CHST11: variants seen among roughly 807,000 people sequenced by gnomAD.
CHST11 encodes carbohydrate sulfotransferase 11.
Under a neutral mutation model 30.4 loss-of-function variants are expected in CHST11, and 9 were observed. The ratio of observed to expected loss-of-function variants is 0.30; its 90% CI spans 0.18 to 0.52. CHST11 has a LOEUF of 0.52. Among genes scored for constraint, CHST11 ranks in the 20% least tolerant of loss-of-function variants. The pLI is 0.97. For missense variants in CHST11, 348 were observed against 460.6 expected (o/e 0.76, Z 2.24); for synonymous variants, 152 against 187.8 (o/e 0.81, Z 1.56).
intron 2 of CHST11, among the ~76,000 whole-genome samples, chr12:104,714,728 TA>T (rs2040116196): frequency 6.6e-6 from 1 of 152,096 alleles, no homozygotes; most frequent in Non-Finnish European, 1.5e-5. Flanking sequence ...GGATTTATTT[TA>T]GGTGCAGCGT....
chr12:104,525,319 G>GTA (rs2038114954), intron 1 of CHST11, among the ~76,000 whole-genome samples: 1 of 152,122 alleles, frequency 6.6e-6, no homozygotes, highest in Admixed American at 6.6e-5. Context: ...ACCTCATAGT[G>GTA]TATACTCTTC....
intron 2 of CHST11, among the ~76,000 whole-genome samples, chr12:104,634,936 G>T (rs2039309803): frequency 6.6e-6 from 1 of 152,166 alleles, no homozygotes; most frequent in Admixed American, 6.5e-5. Flanking sequence ...CATTCATCAA[G>T]GGAAGGAGGG....
rs80135956 is a variant in CHST11 at position 104,653,394 on chromosome 12, C to G, written c.204+51403C>G. Among the ~76,000 whole-genome samples the G allele has an allele frequency of 8.2e-3, 1,251 of 152,280 alleles. 22 individuals are homozygous for G. The highest frequency in any genetic ancestry group is 0.029 in the African/African-American group (1,190 of 41,540). On this transcript the variant is annotated intron_variant, in intron 2 of 2. Transcript: ENST00000303694. Reference sequence around the variant, plus strand: ...CGTTTTCTTTCTCCATTCATCTGTTCATAGACATTTGGCTTTCTTCCACCA... The same window carrying G: ...CGTTTTCTTTCTCCATTCATCTGTTGATAGACATTTGGCTTTCTTCCACCA...
At chr12:104,701,403 G>A (rs1267965498) in intron 2 of CHST11, among the ~76,000 whole-genome samples, 1 of 152,160 alleles carries the variant, frequency 6.6e-6, no homozygotes, top group Non-Finnish European at 1.5e-5. Flanking sequence ...AAATGAGAAG[G>A]TCCCTGCTTT....
chr12:104,462,746 A>G (rs189212857), intron 1 of CHST11, among the ~76,000 whole-genome samples: 1 of 152,230 alleles, frequency 6.6e-6, no homozygotes, highest in Non-Finnish European at 1.5e-5. Context: ...TACCCCATAA[A>G]TATATACAAC....
At chr12:104,629,350 G>A (rs2039249793) in intron 2 of CHST11, among the ~76,000 whole-genome samples, 1 of 152,188 alleles carries the variant, frequency 6.6e-6, no homozygotes, top group Non-Finnish European at 1.5e-5. Context: ...AGCTCACATG[G>A]TTGTTGGCAG....
At chr12:104,648,242 C>T (rs980484229) in intron 2 of CHST11, among the ~76,000 whole-genome samples, 6 of 152,190 alleles carry the variant, frequency 3.9e-5, no homozygotes, top group Admixed American at 3.3e-4. Context: ...TCATAGGGCA[C>T]GTACATTCCC....
At chr12:104,674,873 G>A (rs960125473) in intron 2 of CHST11, among the ~76,000 whole-genome samples, 2 of 152,070 alleles carry the variant, frequency 1.3e-5, no homozygotes, top group Admixed American at 6.5e-5. Context: ...GGCAAGTCAC[G>A]TAACCTCTCT....
At chr12:104,702,164 C>T (rs1005994314) in intron 2 of CHST11, among the ~76,000 whole-genome samples, 3 of 152,196 alleles carry the variant, frequency 2.0e-5, no homozygotes, top group Non-Finnish European at 4.4e-5. Flanking sequence ...GTGTTTAATT[C>T]ACCCTACCAT....
chr12:104,680,940 G>A (rs1217677273), intron 2 of CHST11, among the ~76,000 whole-genome samples: 1 of 152,178 alleles, frequency 6.6e-6, no homozygotes, highest in Non-Finnish European at 1.5e-5. Context: ...GTGTGGTCTT[G>A]GACAAGTCTC....
chr12:104,609,212 C>T (rs936181448), intron 2 of CHST11, among the ~76,000 whole-genome samples: 1 of 152,234 alleles, frequency 6.6e-6, no homozygotes, highest in Non-Finnish European at 1.5e-5. Context: ...GTCTAATTAT[C>T]TTCTTTGACT....
chr12:104,479,501 G>A (rs1008607634), intron 1 of CHST11, among the ~76,000 whole-genome samples: 3 of 152,188 alleles, frequency 2.0e-5, no homozygotes, highest in Admixed American at 6.5e-5. Flanking sequence ...AAATCTCATT[G>A]GTGTGGCCGG....
At chr12:104,621,012 G>T (rs919677829) in intron 2 of CHST11, among the ~76,000 whole-genome samples, 2 of 152,200 alleles carry the variant, frequency 1.3e-5, no homozygotes, top group Admixed American at 1.3e-4. Context: ...AATACTGAGC[G>T]CAGAGTGTAG....
intron 2 of CHST11, among the ~76,000 whole-genome samples, chr12:104,617,856 A>G (rs1268603504): frequency 6.6e-6 from 1 of 152,202 alleles, no homozygotes; most frequent in African/African-American, 2.4e-5. Flanking sequence ...TAAAGTGCCT[A>G]GAACAGTGGC....
At chr12:104,649,133 G>T (rs549947282) in intron 2 of CHST11, among the ~76,000 whole-genome samples, 133 of 152,174 alleles carry the variant, frequency 8.7e-4, no homozygotes, top group African/African-American at 2.9e-3. Context: ...GTAGAGAAGG[G>T]TGGGGAATGG....
intron 1 of CHST11, among the ~76,000 whole-genome samples, chr12:104,565,137 G>A (rs547892210): frequency 1.6e-4 from 24 of 152,152 alleles, no homozygotes; most frequent in African/African-American, 5.8e-4. Flanking sequence ...CCAGTGGTGG[G>A]GACTCAAGGG....
intron 2 of CHST11, among the ~76,000 whole-genome samples, chr12:104,716,771 G>A (rs148125305): frequency 2.4e-4 from 37 of 152,348 alleles, no homozygotes; most frequent in East Asian, 2.1e-3. Context: ...CCTTAGATTC[G>A]AAGACGAAGG....
rs1456704587 is a variant in CHST11, at chr12:104,713,399, G to A, written c.205-43550G>A. 5.9e-5 allele frequency among the ~76,000 whole-genome samples: 9 copies of A among 152,200 alleles called. No homozygotes were observed. In the East Asian group the frequency reaches 1.7e-3, roughly 29 times the overall value. On this transcript the variant is annotated intron_variant, in intron 2 of 2. Transcript: ENST00000303694. The stretch of plus-strand genomic sequence containing the variant: ...ATCAGCCAAGCTAAGCCAGTGTCCT[G>A]GGAATGGGACTATTTGCCTGCCTTG...
intron 2 of CHST11, among the ~76,000 whole-genome samples, chr12:104,643,439 G>A (rs925235963): frequency 6.6e-6 from 1 of 152,174 alleles, no homozygotes; most frequent in African/African-American, 2.4e-5. Flanking sequence ...TGCAGAGATG[G>A]GGTTCTACCC....
Sources: allele counts gnomAD v4.1 joint callset (sites outside exome capture counted in the v4.1 genomes callset), GRCh38; gene constraint gnomAD v4.1.1; transcripts MANE v1.5; gene names NCBI Gene and HGNC (gene_info 2026-07-23, HGNC 2026-07-21).